ANO2: variants seen among roughly 807,000 people sequenced by gnomAD.
ANO2 encodes anoctamin 2, also known as anoctamin-2.
ANO2 carries 101 observed loss-of-function variants against 124.2 expected under a neutral mutation model. The observed-to-expected ratio is 0.81, with a 90% CI of 0.69 to 0.96. The LOEUF is 0.96. Among genes scored for constraint, ANO2 ranks in the 40% least tolerant of loss-of-function variants. The pLI is 0.00. For synonymous variants in ANO2, 486 were observed against 482.5 expected (o/e 1.01, Z -0.09); for missense variants, 1,293 against 1,274.5 (o/e 1.01, Z -0.22).
chr12:5,903,297 A>G (rs1415296517), intron 3 of ANO2, among the ~76,000 whole-genome samples: 1 of 152,112 alleles, frequency 6.6e-6, no homozygotes, highest in African/African-American at 2.4e-5. Flanking sequence ...AAACTCTAAG[A>G]ACAGCTAATC....
chr12:5,715,348 T>G (rs574511112), intron 14 of ANO2, among the ~76,000 whole-genome samples: 1 of 152,228 alleles, frequency 6.6e-6, no homozygotes, highest in African/African-American at 2.4e-5. Context: ...TTAGTCCAAC[T>G]GATAAAATAC....
intron 10 of ANO2, among the ~76,000 whole-genome samples, chr12:5,770,160 C>G (rs1952032247): frequency 6.6e-6 from 1 of 152,198 alleles, no homozygotes; most frequent in African/African-American, 2.4e-5. Context: ...AGAGAAATGC[C>G]TTACAGGAGT....
chr12:5,691,529 G>A (rs1335566274), intron 14 of ANO2, among the ~76,000 whole-genome samples: 2 of 152,076 alleles, frequency 1.3e-5, no homozygotes, highest in Non-Finnish European at 2.9e-5. Flanking sequence ...CCATCATTGA[G>A]TAAGAGCCTT....
intron 14 of ANO2, among the ~76,000 whole-genome samples, chr12:5,662,362 G>C (rs986856772): frequency 1.3e-5 from 2 of 152,166 alleles, no homozygotes; most frequent in African/African-American, 4.8e-5. Context: ...TCAAAGCAGA[G>C]GTGCCAGGCT....
intron 10 of ANO2, among the ~76,000 whole-genome samples, chr12:5,761,686 C>T (rs1472084468): frequency 2.0e-5 from 3 of 152,156 alleles, no homozygotes; most frequent in African/African-American, 2.4e-5. Context: ...TTGGGCATAG[C>T]GATAAATCAG....
chr12:5,717,848 A>G (rs1370458535), intron 14 of ANO2, among the ~76,000 whole-genome samples: 1 of 152,234 alleles, frequency 6.6e-6, no homozygotes, highest in African/African-American at 2.4e-5. Context: ...ACTCTAAAGA[A>G]GTAACCCAGG....
intron 12 of ANO2, among the ~76,000 whole-genome samples, chr12:5,743,362 T>A (rs904667927): frequency 3.9e-5 from 6 of 152,176 alleles, no homozygotes; most frequent in Non-Finnish European, 7.4e-5. Flanking sequence ...TCAGATGGGC[T>A]GACACAGGTT....
chr12:5,921,373 A>C lies in ANO2; in HGVS notation c.208-7T>G. The C allele has an allele frequency of 6.2e-7, 1 of 1,610,982 alleles. No homozygotes were observed. The highest frequency in any genetic ancestry group is 8.5e-7 in the Non-Finnish European group (1 of 1,177,862). On this transcript the variant is annotated splice_polypyrimidine_tract_variant and splice_region_variant and intron_variant, in intron 2 of 24. Coordinates refer to ENST00000682330, the MANE Select transcript of ANO2 (RefSeq NM_001364791.2). Reference sequence around the variant, plus strand: ...CCAGATAGTTGTTGATGACCTGGCCAGAGAGAGAGGAGAGGCAGGGCAAGG... The same window carrying C: ...CCAGATAGTTGTTGATGACCTGGCCCGAGAGAGAGGAGAGGCAGGGCAAGG...
At chr12:5,897,646 GA>G (rs1939885170) in intron 3 of ANO2, among the ~76,000 whole-genome samples, 1 of 151,828 alleles carries the variant, frequency 6.6e-6, no homozygotes, top group African/African-American at 2.4e-5. Context: ...CAATGAGGAA[GA>G]ATGGTCCGTT....
At chr12:5,654,193 C>G (rs188884958) in intron 14 of ANO2, among the ~76,000 whole-genome samples, 14 of 152,216 alleles carry the variant, frequency 9.2e-5, no homozygotes, top group Non-Finnish European at 1.6e-4. Context: ...TCAGATCAGT[C>G]CTGAAGTACA....
chr12:5,815,897 G>T (rs187405872), intron 7 of ANO2, among the ~76,000 whole-genome samples: 119 of 152,050 alleles, frequency 7.8e-4, no homozygotes, highest in African/African-American at 2.8e-3. Context: ...GTAAAAGTAG[G>T]CATTCAATAA....
At position 5,654,481 on chromosome 12, in the gene ANO2, C is replaced by T. The variant is rs553345937; in HGVS notation, c.1546-6680G>A. ...TCAGTTCTGTGTACTGTCTGAGGAGCGGAGCTGAGGTGCTGTCTGCCTATC... is the reference window on the plus strand; with the variant it reads ...TCAGTTCTGTGTACTGTCTGAGGAGTGGAGCTGAGGTGCTGTCTGCCTATC... On this transcript the variant is annotated intron_variant, in intron 14 of 24. Transcript: ENST00000682330. Among the ~76,000 whole-genome samples the T allele has an allele frequency of 8.5e-5, 13 of 152,230 alleles. No homozygotes were observed. In the South Asian group the frequency reaches 1.5e-3, roughly 17 times the overall value.
At chr12:5,686,726 T>C (rs1455584685) in intron 14 of ANO2, among the ~76,000 whole-genome samples, 1 of 152,244 alleles carries the variant, frequency 6.6e-6, no homozygotes, top group Non-Finnish European at 1.5e-5. Context: ...GGACACCAGC[T>C]GCGCTGACGT....
At chr12:5,813,007 AAAGAGAG>A in intron 7 of ANO2, among the ~76,000 whole-genome samples, 1 of 149,362 alleles carries the variant, frequency 6.7e-6, no homozygotes, top group Non-Finnish European at 1.5e-5. Context: ...AGCAAGAAAG[AAAGAGAG>A]AGAAAGAAAA....
intron 4 of ANO2, among the ~76,000 whole-genome samples, chr12:5,837,337 TTTA>T (rs773263323): frequency 0.32 from 13,098 of 41,580 alleles, 1,090 homozygotes; most frequent in East Asian, 0.57. Context: ...TTTTTTTTTT[TTTA>T]AATTATACTT....
At chr12:5,825,376 G>C (rs915853096) in intron 7 of ANO2, among the ~76,000 whole-genome samples, 2 of 152,166 alleles carry the variant, frequency 1.3e-5, no homozygotes, top group African/African-American at 2.4e-5. Flanking sequence ...ATATGGTACT[G>C]TTTCTCCCAT....
chr12:5,645,292 G>C (rs1565515801), intron 15 of ANO2, among the ~76,000 whole-genome samples: 1 of 152,126 alleles, frequency 6.6e-6, no homozygotes, highest in African/African-American at 2.4e-5. Context: ...CCATGGTTGA[G>C]GCAGGAGAAT....
At chr12:5,935,715 G>A (rs7958705) in intron 1 of ANO2, among the ~76,000 whole-genome samples, 14,653 of 152,134 alleles carry the variant, frequency 0.096, 1,122 homozygotes, top group African/African-American at 0.2. Context: ...TTCCGCAACT[G>A]GAAAAAGACA....
chr12:5,912,239 C>T (rs1432788770), intron 3 of ANO2, among the ~76,000 whole-genome samples: 1 of 152,208 alleles, frequency 6.6e-6, no homozygotes, highest in Non-Finnish European at 1.5e-5. Context: ...AAAACCTGGA[C>T]ACTGCTCATC....
Sources: allele counts gnomAD v4.1 joint callset (sites outside exome capture counted in the v4.1 genomes callset), GRCh38; gene constraint gnomAD v4.1.1; transcripts MANE v1.5; gene names NCBI Gene and HGNC (gene_info 2026-07-23, HGNC 2026-07-21).